RFFL: variants seen among roughly 807,000 people sequenced by gnomAD.
RFFL encodes the protein ring finger and FYVE like domain containing E3 ubiquitin protein ligase.
In RFFL, 16 loss-of-function variants were observed where a neutral mutation model predicts 40.4. The observed-to-expected ratio is 0.40, with a 90% confidence interval of 0.27 to 0.60. The LOEUF (loss-of-function observed/expected upper bound fraction) is 0.60. RFFL is among the 20% of genes least tolerant of loss of function. The probability of loss-of-function intolerance (pLI) is 0.47; values close to 1 mark genes in which losing one functional copy is unlikely to be tolerated. For synonymous variants in RFFL, 154 were observed against 167.9 expected, an observed-to-expected ratio of 0.92 and a Z score of 0.64; for missense variants, 367 against 451.7, an observed-to-expected ratio of 0.81 and a Z score of 1.70.
intron 1 of RFFL, among the ~76,000 whole-genome samples, chr17:35,054,030 A>AATCCTGAGGGGTC (rs1415192610): frequency 1.3e-5 from 2 of 152,126 alleles, no homozygotes; most frequent in African/African-American, 2.4e-5. Flanking sequence ...CAGTGACCAA[A>AATCCTGAGGGGTC]ATCCTGAGGG....
intron 6 of RFFL, among the ~76,000 whole-genome samples, chr17:35,014,294 G>A (rs1292095927): frequency 6.6e-6 from 1 of 152,034 alleles, no homozygotes; most frequent in Non-Finnish European, 1.5e-5. Context: ...GTACAAACAG[G>A]GCTGTCTCAG....
At chr17:35,031,488 T>C (rs1351722542) in intron 1 of RFFL, among the ~76,000 whole-genome samples, 1 of 152,060 alleles carries the variant, frequency 6.6e-6, no homozygotes, top group Non-Finnish European at 1.5e-5. Context: ...CTGTTTCCAG[T>C]GCTAGGTAAG....
chr17:35,063,787 C>CA (rs1289813612), upstream of RFFL: 1 of 152,228 alleles, frequency 6.6e-6, no homozygotes, highest in Non-Finnish European at 1.5e-5. Context: ...AGTGCTGACT[C>CA]ACGCTGGGCA....
At chr17:35,015,554 C>CA (rs1198629941) in intron 5 of RFFL, among the ~76,000 whole-genome samples, 1 of 152,190 alleles carries the variant, frequency 6.6e-6, no homozygotes, top group Non-Finnish European at 1.5e-5. Flanking sequence ...GGTGAAGAGT[C>CA]AGTCAGATGA....
intron 1 of RFFL, among the ~76,000 whole-genome samples, chr17:35,082,341 A>G (rs2091406622): frequency 6.6e-6 from 1 of 152,200 alleles, no homozygotes; most frequent in African/African-American, 2.4e-5. Context: ...AAAGAAATGG[A>G]TGTCAGGTGC....
At chr17:35,084,446 T>C in intron 1 of RFFL, among the ~76,000 whole-genome samples, 1 of 151,378 alleles carries the variant, frequency 6.6e-6, no homozygotes, top group Non-Finnish European at 1.5e-5. Context: ...ATACAAAAAT[T>C]AGCCGGGTGT....
At position 35,011,976 on chromosome 17, in the gene RFFL, G is replaced by A. The variant is rs550307820; in HGVS notation, c.1084C>T (p.Arg362Trp). Reference sequence around the variant, plus strand: ...GAAACCGATGCAAGCTCTCAGGACCGGAAGACATGCACAGCTCGGATTACA... The same window carrying A: ...GAAACCGATGCAAGCTCTCAGGACCAGAAGACATGCACAGCTCGGATTACA... Reference protein sequence around the residue: ...QYVIRAVHVFRS With the variant: ...QYVIRAVHVFWS The change falls in exon 7 of 7, where the codon CGG (arginine) becomes TGG (tryptophan). Residue 362 changes from arginine to tryptophan, a missense_variant. Arg to Trp is a moderately radical substitution (Grantham distance 101). Transcript: ENST00000394597. 3.3e-5 allele frequency: 54 copies of A among 1,613,962 alleles called. No homozygotes were observed. Among genetic ancestry groups the A allele is most frequent in the South Asian group, 4.4e-5 (4 of 91,064 alleles).
chr17:35,017,952 C>G, intron 3 of RFFL, among the ~76,000 whole-genome samples: 1 of 152,172 alleles, frequency 6.6e-6, no homozygotes, highest in East Asian at 1.9e-4. Context: ...CTGGACTGCT[C>G]TCTATCTGGC....
chr17:35,033,332 C>T (rs2091097488), intron 1 of RFFL, among the ~76,000 whole-genome samples: 1 of 151,710 alleles, frequency 6.6e-6, no homozygotes, highest in Non-Finnish European at 1.5e-5. Flanking sequence ...AGTTCGAGAC[C>T]AGCCTGGCCA....
chr17:35,013,204 A>G (rs1186693222), intron 6 of RFFL, among the ~76,000 whole-genome samples: 1 of 152,276 alleles, frequency 6.6e-6, no homozygotes, highest in East Asian at 1.9e-4. Context: ...AGGAGCCAGG[A>G]TTCAAACCCA....
intron 4 of RFFL, 71 bp downstream of exon 4, chr17:35,017,452 C>A: frequency 1.0e-6 from 1 of 960,334 alleles, no homozygotes; most frequent in East Asian, 2.6e-5. Flanking sequence ...CCACTCGACT[C>A]TGCTAAGAGG....
chr17:35,026,149 G>A (rs1242445849), intron 2 of RFFL, among the ~76,000 whole-genome samples: 2 of 152,230 alleles, frequency 1.3e-5, no homozygotes, highest in South Asian at 2.1e-4. Flanking sequence ...AGGTAGCAAC[G>A]CTGATAACTG....
chr17:35,028,851 A>G (rs779498920), intron 1 of RFFL, among the ~76,000 whole-genome samples: 2 of 151,914 alleles, frequency 1.3e-5, no homozygotes, highest in African/African-American at 2.4e-5. Context: ...TAGCTTTCCA[A>G]CACTGCCTCC....
At chr17:35,043,560 C>T (rs2091179663) in intron 1 of RFFL, among the ~76,000 whole-genome samples, 1 of 152,150 alleles carries the variant, frequency 6.6e-6, no homozygotes, top group South Asian at 2.1e-4. Context: ...CTCCTCCAGT[C>T]CCCAAGTTAT....
intron 1 of RFFL, among the ~76,000 whole-genome samples, chr17:35,082,025 T>C (rs1003964701): frequency 1.3e-5 from 2 of 152,148 alleles, no homozygotes; most frequent in Non-Finnish European, 1.5e-5. Flanking sequence ...AATAAATATA[T>C]AAGAAATTAA....
rs756348101 is a variant in RFFL at position 35,011,995 on chromosome 17, G to A, written c.1065C>T (p.Ile355=). Residue 355 remains isoleucine, a synonymous_variant, in exon 7 of 7, where the codon ATC becomes ATT. Transcript: ENST00000394597. ...AGGACCGGAAGACATGCACAGCTCG[G>A]ATTACATACTGCCGGCAGATGGGAC... ...NECPICRQYV[I]RAVHVFRS is the part of the protein sequence containing the mutation. The A allele has an allele frequency of 2.5e-6, 4 of 1,614,060 alleles. No homozygotes were observed. The highest frequency in any genetic ancestry group is 1.7e-5 in the Admixed American group (1 of 60,004).
chr17:35,066,036 A>C (rs2091319684), upstream of RFFL, among the ~76,000 whole-genome samples: 1 of 152,214 alleles, frequency 6.6e-6, no homozygotes, highest in Non-Finnish European at 1.5e-5. Flanking sequence ...GGGGCAGGAG[A>C]ATCACTTGAA....
At chr17:35,028,003 A>G (rs898587507) in intron 1 of RFFL, among the ~76,000 whole-genome samples, 3 of 150,280 alleles carry the variant, frequency 2.0e-5, no homozygotes, top group African/African-American at 5.0e-5. Context: ...ATTGCACTCC[A>G]GCCTGGGTGA....
chr17:35,041,660 C>T (rs766320975), intron 1 of RFFL, among the ~76,000 whole-genome samples: 23 of 151,216 alleles, frequency 1.5e-4, no homozygotes, highest in Non-Finnish European at 2.5e-4. Context: ...GTCGGTGATA[C>T]TTGAGATGAG....
Sources: allele counts gnomAD v4.1 joint callset (sites outside exome capture counted in the v4.1 genomes callset), GRCh38; gene constraint gnomAD v4.1.1; transcripts MANE v1.5; gene names NCBI Gene and HGNC (gene_info 2026-07-23, HGNC 2026-07-21).